Variants in MAP3K5 observed in about 807,000 individuals in gnomAD.
MAP3K5 encodes the protein ASK-1.
Under a neutral mutation model 158.7 loss-of-function variants are expected in MAP3K5, and 56 were observed. That is an observed-to-expected ratio of 0.35 (90% CI 0.28 to 0.44). The LOEUF (loss-of-function observed/expected upper bound fraction) is 0.44, where lower values mean the gene tolerates loss of function less well. Among genes scored for constraint, MAP3K5 ranks in the 20% least tolerant of loss-of-function variants. MAP3K5 has a pLI of 1.00. For missense variants in MAP3K5, 1,294 were observed against 1,674.8 expected (o/e 0.77, Z 3.97); for synonymous variants, 579 against 601.7 (o/e 0.96, Z 0.55).
chr6:136,702,466 G>C (rs192787377), intron 3 of MAP3K5, among the ~76,000 whole-genome samples: 61 of 152,280 alleles, frequency 4.0e-4, no homozygotes, highest in African/African-American at 1.3e-3. Context: ...CCCATAGTTT[G>C]AAATAGCTGA....
In MAP3K5 at chr6:136,580,466, C is replaced by T. The variant is rs575943805; in HGVS notation, c.3412-60G>A. 85 of 1,010,290 alleles carry T rather than the reference C, an allele frequency of 8.4e-5. No homozygotes were observed. In the East Asian group the frequency reaches 1.5e-3, roughly 18 times the overall value. 62.6% of individuals were successfully genotyped at this position (1,010,290 alleles called of 1,614,324 possible). On this transcript the variant is annotated intron_variant, in intron 24 of 29. Coordinates refer to ENST00000359015, the MANE Select transcript of MAP3K5 (RefSeq NM_005923.4). ...TTTAATTGCAAATAGCCTAGATGAT[C>T]GAAGCACTTGTATGAAGTTCCATTT...
At chr6:136,579,961 T>C (rs958782010) in intron 25 of MAP3K5, 6 of 431,188 alleles carry the variant, frequency 1.4e-5, no homozygotes, top group African/African-American at 2.1e-5. Flanking sequence ...ATTGGAAGAT[T>C]TGGGAACCAC....
chr6:136,684,348 T>C (rs1223348706), intron 7 of MAP3K5, among the ~76,000 whole-genome samples: 1 of 152,126 alleles, frequency 6.6e-6, no homozygotes, highest in African/African-American at 2.4e-5. Context: ...GCTCAATTAT[T>C]ATTAATATTT....
At chr6:136,746,430 A>G (rs1782961824) in intron 1 of MAP3K5, among the ~76,000 whole-genome samples, 1 of 152,206 alleles carries the variant, frequency 6.6e-6, no homozygotes, top group African/African-American at 2.4e-5. Context: ...AGGAATTTCT[A>G]TGTACTGTTC....
At chr6:136,722,452 G>A (rs1378561318) in intron 1 of MAP3K5, among the ~76,000 whole-genome samples, 1 of 151,984 alleles carries the variant, frequency 6.6e-6, no homozygotes, top group African/African-American at 2.4e-5. Flanking sequence ...AGACAATCAT[G>A]CTATAGACAT....
intron 1 of MAP3K5, among the ~76,000 whole-genome samples, chr6:136,789,341 G>C (rs1784974593): frequency 6.6e-6 from 1 of 152,082 alleles, no homozygotes; most frequent in South Asian, 2.1e-4. Context: ...GAAACAAAGG[G>C]TTTGGATAAA....
rs573324349 is a variant in MAP3K5, at chr6:136,752,575, C to A, written c.449-31986G>T. On this transcript the variant is annotated intron_variant, in intron 1 of 29. Transcript: ENST00000359015. ...TACAGGCGCGTGCCACCACACCCAG[C>A]TCATTTTTGTATTTTTAGTAGAGAT... 1.8e-4 allele frequency among the ~76,000 whole-genome samples: 28 copies of A among 152,280 alleles called. No individual in the cohort carries two copies. In the South Asian group the frequency reaches 5.6e-3, roughly 30 times the overall value.
chr6:136,711,148 T>TGC (rs781763905), intron 2 of MAP3K5, among the ~76,000 whole-genome samples: 36 of 151,984 alleles, frequency 2.4e-4, no homozygotes, highest in Non-Finnish European at 4.3e-4. Context: ...TTACATGTTA[T>TGC]GCCTACATAA....
At chr6:136,786,733 T>C (rs965820250) in intron 1 of MAP3K5, among the ~76,000 whole-genome samples, 1 of 152,024 alleles carries the variant, frequency 6.6e-6, no homozygotes, top group East Asian at 1.9e-4. Context: ...AACCTATTCT[T>C]TTTAAAGACA....
At chr6:136,627,151 T>G (rs1383783032) in intron 14 of MAP3K5, among the ~76,000 whole-genome samples, 8 of 152,216 alleles carry the variant, frequency 5.3e-5, no homozygotes, top group Non-Finnish European at 4.4e-5. Context: ...TACTATGTAT[T>G]TCAAATTTAT....
intron 15 of MAP3K5, among the ~76,000 whole-genome samples, chr6:136,615,237 T>C (rs992565128): frequency 2.6e-5 from 4 of 152,102 alleles, no homozygotes; most frequent in Non-Finnish European, 5.9e-5. Context: ...CCAATCAAAA[T>C]AGGAGGTCCG....
intron 11 of MAP3K5, among the ~76,000 whole-genome samples, chr6:136,648,645 C>T (rs902286021): frequency 8.5e-5 from 13 of 152,248 alleles, no homozygotes; most frequent in African/African-American, 3.1e-4. Context: ...AAATAACATG[C>T]ATTCTGGGTG....
chr6:136,605,472 A>C (rs1776062154), intron 18 of MAP3K5, 106 bp from the exon 19 acceptor site: 1 of 923,626 alleles, frequency 1.1e-6, no homozygotes, highest in Admixed American at 2.9e-5. Context: ...CAACTGTAAA[A>C]ACATGATTCA....
At chr6:136,712,766 C>T (rs552701397) in intron 2 of MAP3K5, among the ~76,000 whole-genome samples, 7 of 152,120 alleles carry the variant, frequency 4.6e-5, no homozygotes, top group South Asian at 2.1e-4. Context: ...AACTGAATTA[C>T]GGGGGTGGTT....
rs561458481 is a variant in MAP3K5, at chr6:136,586,932, A to C, written c.3226-3192T>G. Among the ~76,000 whole-genome samples, 4 of 152,356 alleles carry C rather than the reference A, an allele frequency of 2.6e-5. No individual in the cohort carries two copies. In the South Asian group the frequency reaches 8.3e-4, roughly 32 times the overall value. Reference sequence around the variant, plus strand: ...TCCAAGTTCTTCAGTTTTGGAACTCAGACTGGCTCTCCATGCTCCTCAGCC... The same window carrying C: ...TCCAAGTTCTTCAGTTTTGGAACTCCGACTGGCTCTCCATGCTCCTCAGCC... On this transcript the variant is annotated intron_variant, in intron 23 of 29. Coordinates refer to ENST00000359015, the MANE Select transcript of MAP3K5 (RefSeq NM_005923.4).
At chr6:136,756,254 G>A (rs536023155) in intron 1 of MAP3K5, among the ~76,000 whole-genome samples, 1 of 152,186 alleles carries the variant, frequency 6.6e-6, no homozygotes, top group South Asian at 2.1e-4. Context: ...GTAGGCAGAC[G>A]TTGCAGTGAG....
chr6:136,786,812 T>C (rs1784868365), intron 1 of MAP3K5, among the ~76,000 whole-genome samples: 1 of 149,340 alleles, frequency 6.7e-6, no homozygotes, highest in South Asian at 2.1e-4. Flanking sequence ...TTTTTTTTTT[T>C]TTTTTTTTTT....
chr6:136,570,288 T>C (rs541583916), intron 25 of MAP3K5, among the ~76,000 whole-genome samples: 1 of 152,228 alleles, frequency 6.6e-6, no homozygotes, highest in Non-Finnish European at 1.5e-5. Context: ...CCTCTAAATC[T>C]CTGGCTGCTA....
At position 136,678,656 on chromosome 6, in the gene MAP3K5, C is replaced by T. The variant is rs949377822; in HGVS notation, c.1254-9261G>A. On this transcript the variant is annotated intron_variant, in intron 7 of 29. Transcript: ENST00000359015. ...TAGTGGCTATCTTTGAGTAACCATA[C>T]GAAGTTATTTCCACTCCTGTTGATT... Among the ~76,000 whole-genome samples, 39 of 151,582 alleles carry T rather than the reference C, an allele frequency of 2.6e-4. 1 individual carries two copies. The highest frequency in any genetic ancestry group is 9.0e-4 in the African/African-American group (37 of 41,340).
Sources: gnomAD v4.1 joint callset for allele counts (sites outside exome capture counted in the v4.1 genomes callset) on GRCh38, gnomAD v4.1.1 for gene constraint, MANE v1.5 for transcripts, NCBI Gene and HGNC (gene_info 2026-07-23, HGNC 2026-07-21) for gene names.